SAMMSON: variants seen among roughly 807,000 people sequenced by gnomAD.
The protein encoded by SAMMSON is survival associated mitochondrial melanoma specific oncogenic non-coding RNA, also known as long intergenic non-protein coding RNA 1212.
At chr3:70,405,245 T>A (rs1701169123) in intron 2 of SAMMSON, among the ~76,000 whole-genome samples, 1 of 152,148 alleles carries the variant, frequency 6.6e-6, no homozygotes, top group South Asian at 2.1e-4. Flanking sequence ...ACCAAAATTT[T>A]AAAATTAGGC....
At chr3:70,139,618 T>C (rs1291314911) in intron 4 of SAMMSON, among the ~76,000 whole-genome samples, 1 of 151,858 alleles carries the variant, frequency 6.6e-6, no homozygotes, top group African/African-American at 2.4e-5. Flanking sequence ...ATACCTGGAG[T>C]GATTGAGGAG....
At chr3:70,055,166 G>A (rs2067162425) in intron 3 of SAMMSON, among the ~76,000 whole-genome samples, 1 of 152,074 alleles carries the variant, frequency 6.6e-6, no homozygotes, top group Non-Finnish European at 1.5e-5. Context: ...GGGTGAAGAA[G>A]AGGATATAAA....
intron 4 of SAMMSON, among the ~76,000 whole-genome samples, chr3:70,109,972 T>G (rs919962288): frequency 2.0e-5 from 3 of 152,244 alleles, no homozygotes; most frequent in Non-Finnish European, 2.9e-5. Context: ...GCACCATTTC[T>G]GTTTCCAAAG....
chr3:70,312,112 A>G (rs566440703), intron 7 of SAMMSON: 167 of 388,944 alleles, frequency 4.3e-4, no homozygotes, highest in African/African-American at 2.9e-3. Context: ...GTCCAATGTT[A>G]AGTCTTAACA....
At position 70,211,588 on chromosome 3, in the gene SAMMSON, C is replaced by G. The variant is rs533993809; in HGVS notation, n.508-37519C>G. On this transcript the variant is annotated intron_variant and non_coding_transcript_variant, in intron 4 of 9. Transcript: ENST00000642114. ...CCTTCCCTTCCCTTCCCTTCCTTTCCCTTCCCTTCCCTTTGCCTTTCCCTT... is the reference window on the plus strand; with the variant it reads ...CCTTCCCTTCCCTTCCCTTCCTTTCGCTTCCCTTCCCTTTGCCTTTCCCTT... Among the ~76,000 whole-genome samples, 570 of 110,756 alleles carry G rather than the reference C, an allele frequency of 5.1e-3. 8 individuals carry two copies. The highest frequency in any genetic ancestry group is 0.013 in the South Asian group (31 of 2,474). 72.7% of individuals were successfully genotyped at this position (110,756 alleles called of 152,430 possible). A position where few individuals can be genotyped will look rare whatever the true frequency, so the allele number is the denominator to read the frequency against.
intron 6 of SAMMSON, among the ~76,000 whole-genome samples, chr3:70,252,257 T>C (rs1701776366): frequency 2.6e-5 from 4 of 152,194 alleles, no homozygotes; most frequent in Admixed American, 2.6e-4. Flanking sequence ...ATCCAATGTA[T>C]GACTTAGGCT....
rs570946966 is a variant in SAMMSON, at chr3:70,125,781, C to A, written n.507+54216C>A. ...TATCCTTTATTTTTCTCTTTTTTCTCACATGGCGCTGCCTTATTGTTTTGG... is the reference window on the plus strand; with the variant it reads ...TATCCTTTATTTTTCTCTTTTTTCTAACATGGCGCTGCCTTATTGTTTTGG... On this transcript the variant is annotated intron_variant and non_coding_transcript_variant, in intron 4 of 9. Transcript: ENST00000642114. The A allele has an allele frequency of 9.9e-5, 65 of 653,984 alleles. No homozygotes were observed. In the South Asian group the frequency reaches 1.1e-3, roughly 11 times the overall value. 40.5% of individuals were successfully genotyped at this position (653,984 alleles called of 1,614,324 possible). A position where few individuals can be genotyped will look rare whatever the true frequency, so the allele number is the denominator to read the frequency against.
At chr3:70,323,008 G>T (rs868474051) in intron 7 of SAMMSON, among the ~76,000 whole-genome samples, 1 of 152,170 alleles carries the variant, frequency 6.6e-6, no homozygotes, top group African/African-American at 2.4e-5. Context: ...AGAAAAAGAA[G>T]ACAGTGGTTG....
rs556661794 is a variant in SAMMSON, at chr3:70,310,330, T to A, written n.739+19087T>A. ...CAGAAATAATCATCTTTTTTCTTTTTAAAATAAGTATATTTTTATTATTTT... is the reference window on the plus strand; with the variant it reads ...CAGAAATAATCATCTTTTTTCTTTTAAAAATAAGTATATTTTTATTATTTT... On this transcript the variant is annotated intron_variant and non_coding_transcript_variant, in intron 7 of 9. Transcript: ENST00000642114. Among the ~76,000 whole-genome samples, 583 of 151,976 alleles carry A rather than the reference T, an allele frequency of 3.8e-3. 1 individual carries two copies. Among genetic ancestry groups the A allele is most frequent in the Non-Finnish European group, 5.2e-3 (354 of 67,958 alleles).
At chr3:70,109,985 C>G (rs992190423) in intron 4 of SAMMSON, among the ~76,000 whole-genome samples, 2 of 152,160 alleles carry the variant, frequency 1.3e-5, no homozygotes, top group African/African-American at 2.4e-5. Context: ...TTCCAAAGAG[C>G]TCACAGTTTA....
At chr3:70,133,001 G>C (rs1384467267) in intron 4 of SAMMSON, among the ~76,000 whole-genome samples, 3 of 152,020 alleles carry the variant, frequency 2.0e-5, no homozygotes, top group Non-Finnish European at 2.9e-5. Flanking sequence ...CAAGTATATA[G>C]GGCACTGTGA....
intron 7 of SAMMSON, among the ~76,000 whole-genome samples, chr3:70,336,814 T>TG (rs1408587252): frequency 1.6e-5 from 2 of 126,658 alleles, no homozygotes; most frequent in African/African-American, 3.0e-5. Context: ...AATAGAAAGT[T>TG]TGTGTGTGTG....
intron 4 of SAMMSON, among the ~76,000 whole-genome samples, chr3:70,206,108 T>G (rs952519058): frequency 1.3e-5 from 2 of 152,184 alleles, no homozygotes; most frequent in East Asian, 3.9e-4. Flanking sequence ...TTCTCATAGA[T>G]TGCTGATGAG....
intron 4 of SAMMSON, among the ~76,000 whole-genome samples, chr3:70,073,540 A>G (rs955511720): frequency 6.6e-6 from 1 of 151,864 alleles, no homozygotes; most frequent in Non-Finnish European, 1.5e-5. Flanking sequence ...TGTTACAGGA[A>G]CACCCAGAAA....
intron 7 of SAMMSON, among the ~76,000 whole-genome samples, chr3:70,347,426 C>T (rs980872635): frequency 4.6e-4 from 68 of 148,878 alleles, no homozygotes; most frequent in African/African-American, 1.6e-3. Flanking sequence ...AGTAATTTTT[C>T]GGAACTGGCC....
intron 2 of SAMMSON, among the ~76,000 whole-genome samples, chr3:70,419,798 C>T (rs1559585823): frequency 6.6e-6 from 1 of 152,028 alleles, no homozygotes; most frequent in Non-Finnish European, 1.5e-5. Context: ...GCCACCACAC[C>T]CGGCTAATTT....
chr3:70,094,347 A>G (rs2067316348), intron 4 of SAMMSON, among the ~76,000 whole-genome samples: 1 of 152,122 alleles, frequency 6.6e-6, no homozygotes, highest in Admixed American at 6.6e-5. Flanking sequence ...AGTTCAGAGT[A>G]ATGTTCTCAA....
At chr3:70,224,958 C>G (rs1229738279) in intron 4 of SAMMSON, among the ~76,000 whole-genome samples, 1 of 152,078 alleles carries the variant, frequency 6.6e-6, no homozygotes, top group Non-Finnish European at 1.5e-5. Context: ...TGACTAAATA[C>G]AAGGTTTTCA....
chr3:70,301,903 A>G (rs988531681), intron 7 of SAMMSON, among the ~76,000 whole-genome samples: 2 of 152,120 alleles, frequency 1.3e-5, no homozygotes, highest in Non-Finnish European at 2.9e-5. Flanking sequence ...TACGTGAAAG[A>G]GGAGTTAAAA....
Sources: gnomAD v4.1 joint callset for allele counts (sites outside exome capture counted in the v4.1 genomes callset) on GRCh38, gnomAD v4.1.1 for gene constraint, MANE v1.5 for transcripts, NCBI Gene and HGNC (gene_info 2026-07-23, HGNC 2026-07-21) for gene names.